The following ZNF146 variants were observed in gnomAD, a reference collection of about 807,000 sequenced individuals.
The protein encoded by ZNF146 is zinc finger protein OZF.
Under a neutral mutation model 22.2 loss-of-function variants are expected in ZNF146, and 9 were observed. The ratio of observed to expected loss-of-function variants is 0.41; its 90% CI spans 0.24 to 0.71. ZNF146 has a LOEUF of 0.71. ZNF146 is among the 30% of genes least tolerant of loss of function. The pLI, the probability that ZNF146 is intolerant of heterozygous loss-of-function variation, is 0.34. For synonymous variants in ZNF146, 108 were observed against 119.2 expected (o/e 0.91, Z 0.61); for missense variants, 194 against 344.8 (o/e 0.56, Z 3.46).
chr19:36,216,054 C>T (rs1319262585), intron 1 of ZNF146, among the ~76,000 whole-genome samples: 1 of 152,062 alleles, frequency 6.6e-6, no homozygotes, highest in East Asian at 1.9e-4. Context: ...CCCCCGCTGT[C>T]GTCATTGACA....
intron 2 of ZNF146, among the ~76,000 whole-genome samples, chr19:36,224,400 G>A (rs930535010): frequency 1.3e-5 from 2 of 152,144 alleles, no homozygotes; most frequent in African/African-American, 4.8e-5. Context: ...TTAAAAAAAG[G>A]TCTTATGTTT....
chr19:36,224,232 C>T (rs919173636), intron 2 of ZNF146, among the ~76,000 whole-genome samples: 2 of 152,158 alleles, frequency 1.3e-5, no homozygotes, highest in African/African-American at 2.4e-5. Flanking sequence ...AAATACAAAA[C>T]ATTAGCTGGG....
chr19:36,233,769 T>A (rs1420749031), intron 3 of ZNF146, among the ~76,000 whole-genome samples: 3 of 152,222 alleles, frequency 2.0e-5, no homozygotes, highest in African/African-American at 7.2e-5. Flanking sequence ...GGTTTTCCCC[T>A]ATCTCAGTAG....
At position 36,221,802 on chromosome 19, in the gene ZNF146, A is replaced by T. The variant is rs562730339; in HGVS notation, c.-855+3607A>T. On this transcript the variant is annotated intron_variant, in intron 2 of 3. Coordinates refer to ENST00000443387, the MANE Select transcript of ZNF146 (RefSeq NM_007145.3). The stretch of plus-strand genomic sequence containing the variant: ...TTTTGTTTTTTGTTCTGTCACTATT[A>T]TATATTTCTCTTCACTCCTGTTTCC... Among the ~76,000 whole-genome samples, 3 of 149,920 alleles carry T rather than the reference A, an allele frequency of 2.0e-5. No homozygotes were observed. The East Asian group carries it at 5.9e-4, about 30-fold the overall frequency.
At chr19:36,231,719 A>G (rs1278675364) in intron 3 of ZNF146, among the ~76,000 whole-genome samples, 1 of 152,022 alleles carries the variant, frequency 6.6e-6, no homozygotes, top group Non-Finnish European at 1.5e-5. Context: ...TTATTTCTGG[A>G]TTATTTCTTT....
rs137974334 is a variant in ZNF146, at chr19:36,231,857, G to A, written c.-783+3038G>A. Among the ~76,000 whole-genome samples the A allele has an allele frequency of 2.7e-3, 403 of 151,964 alleles. 1 individual carries two copies. The highest frequency in any genetic ancestry group is 9.3e-3 in the African/African-American group (384 of 41,432). ...CGAGGCGGCAGATCTCTTGAGCCTAGGAGTTCTAGACCAGCCTGGGCAGCG... is the reference window on the plus strand; with the variant it reads ...CGAGGCGGCAGATCTCTTGAGCCTAAGAGTTCTAGACCAGCCTGGGCAGCG... On this transcript the variant is annotated intron_variant, in intron 3 of 3. Transcript: ENST00000443387.
intron 2 of ZNF146, among the ~76,000 whole-genome samples, chr19:36,227,240 T>C (rs892365291): frequency 2.0e-5 from 3 of 151,186 alleles, no homozygotes; most frequent in Admixed American, 2.0e-4. Context: ...ATTACAAAAA[T>C]TAGCTGGGTG....
chr19:36,226,893 G>C lies in ZNF146; in HGVS notation c.-854-1855G>C, dbSNP rs183672063. On this transcript the variant is annotated intron_variant, in intron 2 of 3. Transcript: ENST00000443387. ...CTGTGGTCGGGAGTTTGGGAGTTCA[G>C]CCTAACACAGAGAAACTCCGTCTCT... is the stretch of plus-strand genomic sequence containing the variant. Among the ~76,000 whole-genome samples the C allele has an allele frequency of 7.2e-5, 11 of 151,828 alleles. No individual in the cohort carries two copies. The East Asian group carries it at 2.1e-3, about 29-fold the overall frequency.
At chr19:36,224,976 C>CCTTA (rs140944487) in intron 2 of ZNF146, among the ~76,000 whole-genome samples, 39,368 of 151,736 alleles carry the variant, frequency 0.26, 5,485 homozygotes, top group African/African-American at 0.37. Context: ...TCCCTGCTTT[C>CCTTA]CTTAGTTATT....
intron 1 of ZNF146, among the ~76,000 whole-genome samples, chr19:36,215,888 T>G (rs960939322): frequency 2.6e-5 from 4 of 152,176 alleles, no homozygotes. Flanking sequence ...TGAAGAAAGC[T>G]TAATTGTTGC....
At chr19:36,220,500 G>A (rs1051750609) in intron 2 of ZNF146, among the ~76,000 whole-genome samples, 5 of 152,036 alleles carry the variant, frequency 3.3e-5, no homozygotes, top group African/African-American at 1.2e-4. Flanking sequence ...GAGTAGCTGG[G>A]ACTACAGGTG....
At chr19:36,215,104 C>G (rs1237038176), upstream of ZNF146, 3 of 152,370 alleles carry the variant, frequency 2.0e-5, no homozygotes, top group Non-Finnish European at 1.5e-5. Context: ...TCCTCGCTCT[C>G]CGAGTGCGCA....
Position 36,236,821 on chromosome 19 carries a change from C to T in ZNF146, c.381C>T (p.Pro127=), listed in dbSNP as rs750554314. The change falls in exon 4 of 4, where the codon CCC becomes CCT. Residue 127 remains proline, a synonymous_variant. Coordinates refer to ENST00000443387, the MANE Select transcript of ZNF146 (RefSeq NM_007145.3). ...AGAGAACTCACACAGGAGAGAAGCC[C>T]TTTGTATGTAAGGAGTGTGGAAAAA... ...RHQRTHTGEK[P]FVCKECGKTF... 6.2e-7 allele frequency: 1 copy of T among 1,614,078 alleles called. No individual in the cohort carries two copies. Among genetic ancestry groups the T allele is most frequent in the South Asian group, 1.1e-5 (1 of 91,062 alleles).
At chr19:36,218,841 G>C (rs184573286) in intron 2 of ZNF146, among the ~76,000 whole-genome samples, 153 of 140,012 alleles carry the variant, frequency 1.1e-3, no homozygotes, top group Admixed American at 2.2e-3. Context: ...CAGAGTCTCG[G>C]TTTGTCGCCC....
In ZNF146 at chr19:36,222,038, TC is replaced by T. The variant is rs1599962533; in HGVS notation, c.-855+3845del. 2.6e-5 allele frequency among the ~76,000 whole-genome samples: 4 copies of T among 151,606 alleles called. No individual in the cohort carries two copies. The East Asian group carries it at 7.8e-4, about 29-fold the overall frequency. On this transcript the variant is annotated intron_variant, in intron 2 of 3. Transcript: ENST00000443387. Reference sequence around the variant, plus strand: ...TCCAACTGCTGGGCTGAAGTGATCTTCCTGCCTCAGCCGCCTGTGTAGCTGG... The same window carrying T: ...TCCAACTGCTGGGCTGAAGTGATCTTCTGCCTCAGCCGCCTGTGTAGCTGG...
At chr19:36,226,578 T>A (rs900567507) in intron 2 of ZNF146, among the ~76,000 whole-genome samples, 1 of 152,218 alleles carries the variant, frequency 6.6e-6, no homozygotes. Context: ...GTATGATTTT[T>A]TTTTCCTGAA....
Position 36,237,324 on chromosome 19 carries a change from C to A in ZNF146, c.*5C>A, listed in dbSNP as rs201354591. ...CAGAAAATTCATACTCACTAAAAACCCCATGAAAGCCTTGAAAGTGGGAAA... is the reference window on the plus strand; with the variant it reads ...CAGAAAATTCATACTCACTAAAAACACCATGAAAGCCTTGAAAGTGGGAAA... On this transcript the variant is annotated 3_prime_UTR_variant, in exon 4 of 4. Coordinates refer to ENST00000443387, the MANE Select transcript of ZNF146 (RefSeq NM_007145.3). 4.6e-5 allele frequency: 72 copies of A among 1,579,288 alleles called. No individual in the cohort carries two copies. The highest frequency in any genetic ancestry group is 5.6e-5 in the Admixed American group (3 of 53,288).
chr19:36,221,582 C>T (rs887740090), intron 2 of ZNF146, among the ~76,000 whole-genome samples: 3 of 152,174 alleles, frequency 2.0e-5, no homozygotes, highest in Non-Finnish European at 2.9e-5. Flanking sequence ...GCCACCGTGC[C>T]TGGCCAAGGC....
chr19:36,231,370 CG>C (rs1475381891), intron 3 of ZNF146, among the ~76,000 whole-genome samples: 3 of 151,996 alleles, frequency 2.0e-5, no homozygotes, highest in Non-Finnish European at 4.4e-5. Flanking sequence ...CCACCACACC[CG>C]GCTAATTTTT....
Sources: gnomAD v4.1 joint callset for allele counts (sites outside exome capture counted in the v4.1 genomes callset) on GRCh38, gnomAD v4.1.1 for gene constraint, MANE v1.5 for transcripts, NCBI Gene and HGNC (gene_info 2026-07-23, HGNC 2026-07-21) for gene names.